PYGB: variants seen among roughly 807,000 people sequenced by gnomAD.
The protein encoded by PYGB is glycogen phosphorylase, brain form.
A neutral mutation model predicts 94.3 loss-of-function variants in PYGB; 82 were observed. The observed-to-expected ratio is 0.87, with a 90% CI of 0.73 to 1.04. The LOEUF is 1.04. Among genes scored for constraint, PYGB ranks in the 50% least tolerant of loss-of-function variants. PYGB has a pLI of 0.00. For missense variants in PYGB, 1,132 were observed against 1,158.2 expected (o/e 0.98, Z 0.33); for synonymous variants, 488 against 479.1 (o/e 1.02, Z -0.24).
In PYGB at chr20:25,248,227, C is replaced by T. The variant is rs200796343; in HGVS notation, c.49C>T (p.Arg17Cys). 1.6e-5 allele frequency: 25 copies of T among 1,595,942 alleles called. No individual in the cohort carries two copies. Among genetic ancestry groups the T allele is most frequent in the Middle Eastern group, 1.7e-4 (1 of 6,038 alleles). Residue 17 changes from arginine (R) to cysteine (C), a missense_variant, in exon 1 of 20, where the codon CGC becomes TGC. Transcript: ENST00000216962. ...DSEKRKQISVRGLAGLGDVAE... is the reference protein window; with the variant it reads ...DSEKRKQISVCGLAGLGDVAE... Reference sequence around the variant, plus strand: ...CGAGAAGCGGAAGCAGATCAGCGTGCGCGGCCTGGCGGGGCTAGGCGACGT... The same window carrying T: ...CGAGAAGCGGAAGCAGATCAGCGTGTGCGGCCTGGCGGGGCTAGGCGACGT...
At position 25,296,509 on chromosome 20, in the gene PYGB, T is replaced by C. The variant is rs776857570; in HGVS notation, c.2519T>C (p.Ile840Thr). Residue 840 changes from isoleucine (I) to threonine (T), a missense_variant, in exon 20 of 20, where the codon ATC (isoleucine) becomes ACC (threonine). Transcript: ENST00000216962. Reference sequence around the variant, plus strand: ...GACCTGCAGATCCCGCCCCCCAACATCCCCCGGGACTAGGCACACCCTGCC... The same window carrying C: ...GACCTGCAGATCCCGCCCCCCAACACCCCCCGGGACTAGGCACACCCTGCC... ...PSDLQIPPPN[I>T]PRD The C allele has an allele frequency of 1.2e-6, 2 of 1,612,958 alleles. No individual in the cohort carries two copies. The highest frequency in any genetic ancestry group is 4.5e-5 in the East Asian group (2 of 44,842).
chr20:25,284,382 G>A, intron 14 of PYGB, 131 bp downstream of exon 14: 1 of 1,242,864 alleles, frequency 8.0e-7, no homozygotes, highest in Non-Finnish European at 1.1e-6. Flanking sequence ...CATGTGTGAT[G>A]TGGCACGTTT....
intron 14 of PYGB, 116 bp downstream of exon 14, chr20:25,284,367 G>A (rs192673388): frequency 6.2e-5 from 83 of 1,331,248 alleles, no homozygotes; most frequent in Admixed American, 1.9e-4. Flanking sequence ...GTGTATAGGC[G>A]TGTGCATGTG....
At chr20:25,265,278 ATTCTTAATTTTTTT>A (rs2088206743) in intron 2 of PYGB, among the ~76,000 whole-genome samples, 3 of 150,116 alleles carry the variant, frequency 2.0e-5, no homozygotes, top group Non-Finnish European at 4.4e-5. Context: ...TGGCAGTTCC[ATTCTTAATTTTTTT>A]TTTGGAACCA....
rs200350706 is a variant in PYGB, at chr20:25,276,699, C to T, written c.714C>T (p.Thr238=). The change falls in exon 6 of 20, where the codon ACC becomes ACT. Residue 238 remains threonine, a synonymous_variant. Coordinates refer to ENST00000216962, the MANE Select transcript of PYGB (RefSeq NM_002862.4). The stretch of plus-strand genomic sequence containing the variant: ...CAGTGCCCGGCTACAAGAACAACAC[C>T]GTCAACACCATGCGGCTGTGGTCCG... ...DTPVPGYKNN[T]VNTMRLWSAK... 2.2e-5 allele frequency: 36 copies of T among 1,613,854 alleles called. No individual in the cohort carries two copies. Among genetic ancestry groups the T allele is most frequent in the East Asian group, 6.7e-5 (3 of 44,880 alleles).
At chr20:25,277,530 G>A (rs901091318) in intron 7 of PYGB, among the ~76,000 whole-genome samples, 4 of 152,112 alleles carry the variant, frequency 2.6e-5, no homozygotes, top group African/African-American at 7.2e-5. Flanking sequence ...GCGGCTCTTC[G>A]TGTGCCTCTT....
In PYGB at chr20:25,287,266, C is replaced by A. The variant is rs561642688; in HGVS notation, c.1769-1159C>A. 8.5e-5 allele frequency among the ~76,000 whole-genome samples: 13 copies of A among 152,258 alleles called. 1 individual carries two copies. In the South Asian group the frequency reaches 2.7e-3, roughly 31 times the overall value. ...GGCAGAGGGGAGACACAAGGTCTCA[C>A]CCAGCGCCCCTGCAGGCTGATGGCA... On this transcript the variant is annotated intron_variant, in intron 14 of 19. Coordinates refer to ENST00000216962, the MANE Select transcript of PYGB (RefSeq NM_002862.4).
intron 2 of PYGB, among the ~76,000 whole-genome samples, chr20:25,265,948 G>A (rs1377111663): frequency 2.0e-5 from 3 of 151,740 alleles, no homozygotes; most frequent in East Asian, 1.9e-4. Flanking sequence ...TATTAATAGC[G>A]TATCAGATAT....
chr20:25,248,311 A>G lies in PYGB; in HGVS notation c.133A>G (p.Asn45Asp), dbSNP rs957796216. The G allele has an allele frequency of 1.2e-6, 2 of 1,604,640 alleles. No homozygotes were observed. The highest frequency in any genetic ancestry group is 1.7e-6 in the Non-Finnish European group (2 of 1,176,104). The part of the protein sequence containing the change: ...HLHFTLVKDR[N>D]VATPRDYFFA... ...GCACTTCACGCTGGTCAAGGACCGC[A>G]ATGTGGCCACGCCCCGCGACTACTT... Residue 45 changes from asparagine to aspartate, a missense_variant, in exon 1 of 20, where the codon AAT becomes GAT. Coordinates refer to ENST00000216962, the MANE Select transcript of PYGB (RefSeq NM_002862.4).
chr20:25,273,932 C>T (rs528658963), intron 4 of PYGB, among the ~76,000 whole-genome samples: 3 of 152,342 alleles, frequency 2.0e-5, no homozygotes, highest in Admixed American at 6.5e-5. Context: ...ACTGCAGCTT[C>T]GACCTTGTGG....
chr20:25,289,982 T>C, intron 15 of PYGB: 1 of 532,544 alleles, frequency 1.9e-6, no homozygotes, highest in Non-Finnish European at 3.9e-6. Flanking sequence ...CAGACATTTC[T>C]AAAAGTTGGT....
At position 25,295,647 on chromosome 20, in the gene PYGB, G is replaced by A. The variant is rs200169369; in HGVS notation, c.2356G>A (p.Ala786Thr). The A allele has an allele frequency of 6.2e-6, 10 of 1,613,942 alleles. No homozygotes were observed. The highest frequency in any genetic ancestry group is 8.5e-6 in the Non-Finnish European group (10 of 1,179,974). The change falls in exon 19 of 20, where the codon GCA (alanine) becomes ACA (threonine). Residue 786 changes from alanine to threonine, a missense_variant. Coordinates refer to ENST00000216962, the MANE Select transcript of PYGB (RefSeq NM_002862.4). ...CTATGAAGCCTACATGCAGTGCCAG[G>A]CACAGGTGGACCAGCTGTACCGGGT... ...ADYEAYMQCQ[A>T]QVDQLYRNPK...
rs147345287 is a variant in PYGB at position 25,294,807 on chromosome 20, G to C, written c.2312+515G>C. ...TAGCACATGGTATGGTTTATCTAGA[G>C]TTACAGACTTTGTAAGGTTTGCAGC... On this transcript the variant is annotated intron_variant, in intron 18 of 19. Coordinates refer to ENST00000216962, the MANE Select transcript of PYGB (RefSeq NM_002862.4). 5,315 of 744,940 alleles carry C rather than the reference G, an allele frequency of 7.1e-3. 58 individuals carry two copies. Among genetic ancestry groups the C allele is most frequent in the Non-Finnish European group, 8.0e-3 (3,290 of 411,424 alleles). 46.1% of individuals were successfully genotyped at this position (744,940 alleles called of 1,614,324 possible). A position where few individuals can be genotyped will look rare whatever the true frequency, so the allele number is the denominator to read the frequency against.
chr20:25,276,561 C>T (rs2088312630), intron 5 of PYGB, 85 bp from the exon 6 acceptor site: 2 of 1,158,608 alleles, frequency 1.7e-6, no homozygotes, highest in African/African-American at 3.0e-5. Context: ...CGCCAGGTGC[C>T]CAGGAGGAGG....
chr20:25,292,608 GA>G lies in PYGB; in HGVS notation c.2175del (p.Tyr727ThrfsTer13). On this transcript the variant is annotated frameshift_variant, in exon 17 of 20. Transcript: ENST00000216962. LOFTEE classifies it high-confidence loss of function. ...TGGAGGATGTCGAGGCCTTGGACCGGAAAGGGTGCGAGCCTGTGCCCCTGGG... is the reference window on the plus strand; with the variant it reads ...TGGAGGATGTCGAGGCCTTGGACCGGAAGGGTGCGAGCCTGTGCCCCTGGG... ...RVEDVEALDR[K>X]GYNAREYYDH... 1 of 1,611,034 alleles carries G rather than the reference GA, an allele frequency of 6.2e-7. No individual in the cohort carries two copies.
chr20:25,274,455 G>T, intron 4 of PYGB, 137 bp from the exon 5 acceptor site: 1 of 1,253,240 alleles, frequency 8.0e-7, no homozygotes, highest in Non-Finnish European at 1.1e-6. Flanking sequence ...TGGGAATCCC[G>T]ACCTGGTAAG....
chr20:25,296,272 A>C (rs2088542495), intron 19 of PYGB, 98 bp from the exon 20 acceptor site: 3 of 1,459,438 alleles, frequency 2.1e-6, no homozygotes, highest in Non-Finnish European at 2.9e-6. Flanking sequence ...CAAGGCTCGG[A>C]GCTCATTTGG....
chr20:25,268,982 T>A lies in PYGB; in HGVS notation c.346-147T>A, dbSNP rs186635154. On this transcript the variant is annotated intron_variant, in intron 2 of 19. Transcript: ENST00000216962. ...TTCATTTCCATGCATTGATTTAACA[T>A]CAAATTTTAACATTGAATTTTCAAG... is the stretch of plus-strand genomic sequence containing the variant. The A allele has an allele frequency of 7.8e-4, 538 of 689,696 alleles. 2 individuals are homozygous for A. The highest frequency in any genetic ancestry group is 3.2e-3 in the Admixed American group (116 of 35,848). The allele number at this position is 689,696 out of a possible 1,614,324, so 42.7% of individuals were successfully genotyped here.
intron 1 of PYGB, among the ~76,000 whole-genome samples, chr20:25,249,850 ATT>A (rs5841051): frequency 6.2e-5 from 9 of 144,278 alleles, no homozygotes; most frequent in Non-Finnish European, 7.6e-5. Flanking sequence ...GCACAGCACC[ATT>A]TTTTTTTTTT....
Sources: allele counts gnomAD v4.1 joint callset (sites outside exome capture counted in the v4.1 genomes callset), GRCh38; gene constraint gnomAD v4.1.1; transcripts MANE v1.5; gene names NCBI Gene and HGNC (gene_info 2026-07-23, HGNC 2026-07-21).